Variants in SIAH3 observed in about 807,000 individuals in gnomAD.
The protein encoded by SIAH3 is siah E3 ubiquitin protein ligase family member 3, also known as seven in absentia homolog 3.
A neutral mutation model predicts 12.6 loss-of-function variants in SIAH3; 9 were observed. The observed-to-expected ratio is 0.72, with a 90% CI of 0.43 to 1.25. The LOEUF is 1.25. SIAH3 is among the 50% of genes most tolerant of loss of function. The pLI is 0.00. For synonymous variants in SIAH3, 154 were observed against 151.1 expected (o/e 1.02, Z -0.14); for missense variants, 390 against 365.4 (o/e 1.07, Z -0.55).
chr13:45,805,712 C>T (rs899122542), intron 1 of SIAH3, among the ~76,000 whole-genome samples: 2 of 152,092 alleles, frequency 1.3e-5, no homozygotes, highest in Non-Finnish European at 2.9e-5. Flanking sequence ...GCAACAAAGA[C>T]AGAAATTGAC....
Position 45,779,342 on chromosome 13 carries a change from A to G in SIAH3, c.*4041T>C, listed in dbSNP as rs1325983570. On this transcript the variant is annotated 3_prime_UTR_variant, in exon 2 of 2. Transcript: ENST00000400405. The stretch of plus-strand genomic sequence containing the variant: ...TAACAATCAGCTTGCAAAATTCCTG[A>G]AAGATTAACAACCAGAATACAAGCA... 1 of 152,196 alleles carries G rather than the reference A, an allele frequency of 6.6e-6. No individual in the cohort carries two copies. The highest frequency in any genetic ancestry group is 6.5e-5 in the Admixed American group (1 of 15,286). The allele number at this position is 152,196 out of a possible 1,614,324, so 9.4% of individuals were successfully genotyped here.
intron 1 of SIAH3, among the ~76,000 whole-genome samples, chr13:45,792,359 A>ATT (rs1566087596): frequency 7.9e-5 from 6 of 76,202 alleles, no homozygotes; most frequent in Non-Finnish European, 1.6e-4. Context: ...TGAAGGTATA[A>ATT]ATTTTTTTTT....
chr13:45,811,496 T>C (rs1303326731), intron 1 of SIAH3, among the ~76,000 whole-genome samples: 2 of 152,176 alleles, frequency 1.3e-5, no homozygotes. Flanking sequence ...ACGGTCTTAT[T>C]CTGTTGCCCA....
At chr13:45,804,411 T>G (rs1452830667) in intron 1 of SIAH3, among the ~76,000 whole-genome samples, 2 of 151,794 alleles carry the variant, frequency 1.3e-5, no homozygotes, top group East Asian at 3.9e-4. Flanking sequence ...TTGCCAAGGG[T>G]TGGAGGGAGG....
At chr13:45,835,096 A>AT (rs1351244300) in intron 1 of SIAH3, among the ~76,000 whole-genome samples, 3 of 152,140 alleles carry the variant, frequency 2.0e-5, no homozygotes, top group Non-Finnish European at 2.9e-5. Flanking sequence ...AGGAAGACTG[A>AT]TTCTCTCCCA....
intron 1 of SIAH3, among the ~76,000 whole-genome samples, chr13:45,800,635 C>A (rs1237556733): frequency 2.6e-5 from 4 of 152,220 alleles, no homozygotes; most frequent in South Asian, 4.1e-4. Flanking sequence ...GAGCCTCCCC[C>A]ACTTCCAATC....
intron 1 of SIAH3, among the ~76,000 whole-genome samples, chr13:45,839,450 A>G (rs1028491104): frequency 4.1e-4 from 62 of 152,364 alleles, no homozygotes; most frequent in African/African-American, 1.4e-3. Context: ...ATGGTCATAG[A>G]GCACAAACTT....
At chr13:45,841,548 A>T (rs1226332412) in intron 1 of SIAH3, among the ~76,000 whole-genome samples, 2 of 152,248 alleles carry the variant, frequency 1.3e-5, no homozygotes, top group Non-Finnish European at 2.9e-5. Flanking sequence ...GATTAAAAAT[A>T]CATTAAAGGA....
intron 1 of SIAH3, among the ~76,000 whole-genome samples, chr13:45,794,252 A>T (rs1181689013): frequency 2.0e-5 from 3 of 151,858 alleles, no homozygotes; most frequent in African/African-American, 7.3e-5. Context: ...TAGACTGGGA[A>T]TGGCCTCACT....
intron 1 of SIAH3, among the ~76,000 whole-genome samples, chr13:45,808,202 T>C (rs911309466): frequency 7.2e-5 from 11 of 152,126 alleles, no homozygotes; most frequent in African/African-American, 2.7e-4. Flanking sequence ...CTGAAGAAAG[T>C]GATGAAGAAA....
intron 1 of SIAH3, among the ~76,000 whole-genome samples, chr13:45,851,057 A>C (rs1950779532): frequency 9.2e-6 from 1 of 108,958 alleles, no homozygotes; most frequent in African/African-American, 3.6e-5. Flanking sequence ...CTCACCCCCC[A>C]GTAGCTTCTA....
At chr13:45,831,591 A>G (rs1428272938) in intron 1 of SIAH3, among the ~76,000 whole-genome samples, 1 of 152,122 alleles carries the variant, frequency 6.6e-6, no homozygotes, top group Non-Finnish European at 1.5e-5. Flanking sequence ...CCTCTCAAGC[A>G]GTTTATACTC....
At chr13:45,837,028 A>C (rs1410843206) in intron 1 of SIAH3, among the ~76,000 whole-genome samples, 1 of 152,110 alleles carries the variant, frequency 6.6e-6, no homozygotes, top group African/African-American at 2.4e-5. Flanking sequence ...TGCCAGCCCC[A>C]TGCCTCCCAG....
At chr13:45,797,896 C>A (rs560247480) in intron 1 of SIAH3, among the ~76,000 whole-genome samples, 2 of 152,278 alleles carry the variant, frequency 1.3e-5, no homozygotes, top group African/African-American at 4.8e-5. Flanking sequence ...TAACAAGTCC[C>A]TGCAGGGTCC....
intron 1 of SIAH3, among the ~76,000 whole-genome samples, chr13:45,846,342 G>A (rs138212118): frequency 3.4e-3 from 522 of 152,008 alleles, no homozygotes; most frequent in Admixed American, 6.2e-3. Context: ...CACCTGCCTC[G>A]GCCTCACAAA....
intron 1 of SIAH3, among the ~76,000 whole-genome samples, chr13:45,792,128 G>A (rs567923563): frequency 1.3e-5 from 2 of 152,226 alleles, no homozygotes; most frequent in East Asian, 1.9e-4. Context: ...CCTGCAGCCC[G>A]TGCTCTTTCT....
chr13:45,787,496 G>A (rs1174601510), intron 1 of SIAH3, among the ~76,000 whole-genome samples: 2 of 152,162 alleles, frequency 1.3e-5, no homozygotes, highest in African/African-American at 4.8e-5. Flanking sequence ...GGGGGAGGTA[G>A]CTATTCTAGC....
intron 1 of SIAH3, among the ~76,000 whole-genome samples, chr13:45,786,159 G>A (rs1352211190): frequency 6.6e-6 from 1 of 152,088 alleles, no homozygotes; most frequent in East Asian, 1.9e-4. Flanking sequence ...GAAGCCCAGG[G>A]CCCACACCTT....
Position 45,779,067 on chromosome 13 carries a change from C to A in SIAH3, c.*4316G>T, listed in dbSNP as rs1593371974. 1 of 152,248 alleles carries A rather than the reference C, an allele frequency of 6.6e-6. No individual in the cohort carries two copies. The highest frequency in any genetic ancestry group is 6.5e-5 in the Admixed American group (1 of 15,288). The allele number at this position is 152,248 out of a possible 1,614,324, so 9.4% of individuals were successfully genotyped here. ...AATTTCCATGGTATGAATACTTCCA[C>A]CATGGCTAATTTCAAGCAATCACCA... On this transcript the variant is annotated 3_prime_UTR_variant, in exon 2 of 2. Coordinates refer to ENST00000400405, the MANE Select transcript of SIAH3 (RefSeq NM_198849.3).
Sources: gnomAD v4.1 joint callset for allele counts (sites outside exome capture counted in the v4.1 genomes callset) on GRCh38, gnomAD v4.1.1 for gene constraint, MANE v1.5 for transcripts, NCBI Gene and HGNC (gene_info 2026-07-23, HGNC 2026-07-21) for gene names.